The following UCP2 variants were observed in gnomAD, a reference collection of about 807,000 sequenced individuals.
The protein encoded by UCP2 is dicarboxylate carrier SLC25A8.
In UCP2, 27 loss-of-function variants were observed where a neutral mutation model predicts 31.3. The ratio of observed to expected loss-of-function variants is 0.86; its 90% CI spans 0.64 to 1.19. The LOEUF (loss-of-function observed/expected upper bound fraction) is 1.19, where lower values mean the gene tolerates loss of function less well. UCP2 is among the 50% of genes most tolerant of loss of function. The probability of loss-of-function intolerance (pLI) is 0.00; values close to 1 mark genes in which losing one functional copy is unlikely to be tolerated. For missense variants in UCP2, 377 were observed against 413.5 expected (o/e 0.91, Z 0.76); for synonymous variants, 142 against 157.4 (o/e 0.90, Z 0.73).
chr11:73,979,728 C>T (rs1951420536), intron 2 of UCP2, among the ~76,000 whole-genome samples: 2 of 150,900 alleles, frequency 1.3e-5, no homozygotes, highest in East Asian at 3.9e-4. Flanking sequence ...CTACTTGGGA[C>T]GATTGCTTGA....
intron 2 of UCP2, chr11:73,981,017 G>C (rs977205226): frequency 1.3e-5 from 2 of 152,174 alleles, no homozygotes; most frequent in Non-Finnish European, 2.9e-5. Context: ...TTCAGAGGGT[G>C]GGTAAGATGG....
At chr11:73,975,342 G>C (rs529321928) in intron 7 of UCP2, 149 bp downstream of exon 7, 1 of 1,034,498 alleles carries the variant, frequency 9.7e-7, no homozygotes, top group Non-Finnish European at 1.4e-6. Context: ...AAGGAATTAA[G>C]GGGATAGGTG....
chr11:73,978,421 G>A lies in UCP2; in HGVS notation c.-43C>T, dbSNP rs745558637. 2 of 1,613,342 alleles carry A rather than the reference G, an allele frequency of 1.2e-6. No individual in the cohort carries two copies. Among genetic ancestry groups the A allele is most frequent in the East Asian group, 2.2e-5 (1 of 44,876 alleles). ...ACGTCCCAGGAGATGGAGAAAAACT[G>A]GAGACAGGGGCACCTTTAATCAGCA... On this transcript the variant is annotated 5_prime_UTR_variant, in exon 3 of 8. Transcript: ENST00000663595.
rs1025790675 is a variant in UCP2, at chr11:73,974,739, C to G, written c.*268G>C. 8.4e-5 allele frequency: 36 copies of G among 430,870 alleles called. No homozygotes were observed. In the Admixed American group the frequency reaches 1.3e-3, roughly 15 times the overall value. The allele number at this position is 430,870 out of a possible 1,614,324, so 26.7% of individuals were successfully genotyped here. A position where few individuals can be genotyped will look rare whatever the true frequency, so the allele number is the denominator to read the frequency against. ...GGCTGTCGGGGGCAGGACGAAGATT[C>G]TGGCTGAACTTTCCAAGGGACGGGA... On this transcript the variant is annotated 3_prime_UTR_variant, in exon 8 of 8. Transcript: ENST00000663595.
rs1382545150 is a variant in UCP2, at chr11:73,977,940, C to T, written c.283G>A (p.Val95Ile). ...ACAGAATCATACAGGCCGATGCGGACAGAGGCAAAGCTCATTTGGCGCTGC... is the reference window on the plus strand; with the variant it reads ...ACAGAATCATACAGGCCGATGCGGATAGAGGCAAAGCTCATTTGGCGCTGC... ...GLQRQMSFASVRIGLYDSVKQ... is the reference protein window; with the variant it reads ...GLQRQMSFASIRIGLYDSVKQ... Residue 95 changes from valine to isoleucine, a missense_variant, in exon 4 of 8, where the codon GTC becomes ATC. Transcript: ENST00000663595. 1.2e-6 allele frequency: 2 copies of T among 1,614,120 alleles called. No individual in the cohort carries two copies. The highest frequency in any genetic ancestry group is 2.7e-5 in the African/African-American group (2 of 74,948).
At chr11:73,979,817 CA>C (rs10706211) in intron 2 of UCP2, 5,501 of 112,244 alleles carry the variant, frequency 0.049, 306 homozygotes, top group African/African-American at 0.16. Context: ...GACCTTGTCT[CA>C]AAAAAAAAAA....
At chr11:73,977,152 A>T (rs1951363775) in intron 4 of UCP2, 135 bp from the exon 5 acceptor site, 1 of 899,632 alleles carries the variant, frequency 1.1e-6, no homozygotes, top group Admixed American at 2.9e-5. Context: ...GGCCTTCTAC[A>T]AGCTCTTGCT....
intron 2 of UCP2, chr11:73,981,170 GAAC>G (rs1951448491): frequency 1.3e-5 from 2 of 152,234 alleles, no homozygotes; most frequent in South Asian, 4.1e-4. Flanking sequence ...TATGAAGTTA[GAAC>G]AATAGGTTCC....
chr11:73,976,705 G>C lies in UCP2; in HGVS notation c.570C>G (p.Asn190Lys). The stretch of plus-strand genomic sequence containing the variant: ...GGTCATAGGTCACCAGCTCAGCACA[G>C]TTGACAATGGCATTACGAGCAACAT... ...SPNVARNAIV[N>K]CAELVTYDLI... Residue 190 changes from asparagine to lysine, a missense_variant, in exon 6 of 8, where the codon AAC (asparagine) becomes AAG (lysine). Transcript: ENST00000663595. 6.2e-7 allele frequency: 1 copy of C among 1,614,202 alleles called. No individual in the cohort carries two copies. Among genetic ancestry groups the C allele is most frequent in the Non-Finnish European group, 8.5e-7 (1 of 1,180,048 alleles).
chr11:73,978,117 A>G (rs1397103463), intron 3 of UCP2, 21 bp from the exon 4 acceptor site: 1 of 1,613,894 alleles, frequency 6.2e-7, no homozygotes, highest in African/African-American at 1.3e-5. Flanking sequence ...AAGACAGGGT[A>G]GCTACAGGGA....
At chr11:73,975,811 A>AGGAC (rs1951334283) in intron 6 of UCP2, 140 bp from the exon 7 acceptor site, 4 of 1,068,922 alleles carry the variant, frequency 3.7e-6, no homozygotes, top group Non-Finnish European at 5.3e-6. Flanking sequence ...CCTGTAATCC[A>AGGAC]GGACTTCTTT....
rs758254377 is a variant in UCP2, at chr11:73,978,161, C to T, written c.127-65G>A. On this transcript the variant is annotated intron_variant, in intron 3 of 7. Coordinates refer to ENST00000663595, the MANE Select transcript of UCP2 (RefSeq NM_003355.3). ...TTGCCCTTCCCACCTCCAGTCATCT[C>T]GATGCTCCAAACACTGGCCCTTGAG... 5.5e-5 allele frequency: 89 copies of T among 1,613,766 alleles called. No homozygotes were observed. In the South Asian group the frequency reaches 5.6e-4, roughly 10 times the overall value.
At chr11:73,980,389 G>T (rs984076409) in intron 2 of UCP2, among the ~76,000 whole-genome samples, 4 of 152,118 alleles carry the variant, frequency 2.6e-5, no homozygotes, top group African/African-American at 9.7e-5. Context: ...ACTCACCATA[G>T]CAACTACACT....
chr11:73,978,247 C>G lies in UCP2; in HGVS notation c.126+6G>C. 6.2e-7 allele frequency: 1 copy of G among 1,614,112 alleles called. No individual in the cohort carries two copies. The highest frequency in any genetic ancestry group is 8.5e-7 in the Non-Finnish European group (1 of 1,180,012). On this transcript the variant is annotated splice_donor_region_variant and intron_variant, in intron 3 of 7. Transcript: ENST00000663595. ...CCATCAAGACTCCCAGGCTTCATCC[C>G]CTCACCTGTAACCGGACTTTAGCAG...
chr11:73,975,578 A>G lies in UCP2; in HGVS notation c.728T>C (p.Met243Thr). The G allele has an allele frequency of 1.2e-6, 2 of 1,614,194 alleles. No individual in the cohort carries two copies. The highest frequency in any genetic ancestry group is 1.7e-6 in the Non-Finnish European group (2 of 1,180,042). ...SPVDVVKTRY[M>T]NSALGQYSSA... ...ACTGTACTGGCCCAGGGCAGAGTTC[A>G]TGTATCTCGTCTTGACCACGTCTAC... is the stretch of plus-strand genomic sequence containing the variant. Residue 243 changes from methionine to threonine, a missense_variant, in exon 7 of 8, where the codon ATG becomes ACG. Coordinates refer to ENST00000663595, the MANE Select transcript of UCP2 (RefSeq NM_003355.3).
Position 73,975,667 on chromosome 11 carries a change from G to T in UCP2, c.639C>A (p.Asp213Glu). ...AGGCAGAAGTGAAGTGGCAAGGGAG[G>T]TCATCTGCCAAGGAGGAGCAGGCAA... ...ALLKANLMTD[D>E]LPCHFTSAFG... The change falls in exon 7 of 8, where the codon GAC (aspartate) becomes GAA (glutamate). Residue 213 changes from aspartate (D) to glutamate (E), a missense_variant. Coordinates refer to ENST00000663595, the MANE Select transcript of UCP2 (RefSeq NM_003355.3). 1 of 1,613,654 alleles carries T rather than the reference G, an allele frequency of 6.2e-7. No homozygotes were observed. The highest frequency in any genetic ancestry group is 1.1e-5 in the South Asian group (1 of 91,086).
chr11:73,979,391 A>G (rs1313639481), intron 2 of UCP2, among the ~76,000 whole-genome samples: 1 of 152,102 alleles, frequency 6.6e-6, no homozygotes, highest in Non-Finnish European at 1.5e-5. Flanking sequence ...CGCTAAAAAT[A>G]CAAAAATGAG....
intron 7 of UCP2, 81 bp downstream of exon 7, chr11:73,975,410 C>G: frequency 6.7e-7 from 1 of 1,498,386 alleles, no homozygotes; most frequent in Non-Finnish European, 9.0e-7. Flanking sequence ...CTGCTACTCA[C>G]TTCCAGGTGG....
At chr11:73,981,166 G>A (rs1951448256) in intron 2 of UCP2, 1 of 152,258 alleles carries the variant, frequency 6.6e-6, no homozygotes, top group African/African-American at 2.4e-5. Flanking sequence ...TCAATATGAA[G>A]TTAGAACAAT....
Sources: gnomAD v4.1 joint callset for allele counts (sites outside exome capture counted in the v4.1 genomes callset) on GRCh38, gnomAD v4.1.1 for gene constraint, MANE v1.5 for transcripts, NCBI Gene and HGNC (gene_info 2026-07-23, HGNC 2026-07-21) for gene names.